The following GSE1 variants were observed in gnomAD, a reference collection of about 807,000 sequenced individuals.
GSE1 encodes Gse1 coiled-coil protein.
GSE1 carries 32 observed loss-of-function variants against 112.6 expected under a neutral mutation model. The ratio of observed to expected loss-of-function variants is 0.28; its 90% CI spans 0.21 to 0.38. The LOEUF is 0.38. Among genes scored for constraint, GSE1 ranks in the 10% least tolerant of loss-of-function variants. GSE1 has a pLI of 1.00. For missense variants in GSE1, 2,348 were observed against 1,699.2 expected (o/e 1.38, Z -6.71); for synonymous variants, 1,115 against 735.6 (o/e 1.52, Z -8.35).
At chr16:85,538,687 A>G (rs978277021) in intron 2 of GSE1, among the ~76,000 whole-genome samples, 2 of 152,088 alleles carry the variant, frequency 1.3e-5, no homozygotes, top group Non-Finnish European at 2.9e-5. Context: ...GAGGGCAGGT[A>G]CCGCTGCTTG....
chr16:85,572,185 ATAC>A (rs1207665598), intron 1 of GSE1, among the ~76,000 whole-genome samples: 2 of 149,198 alleles, frequency 1.3e-5, no homozygotes, highest in African/African-American at 2.5e-5. Flanking sequence ...CACACACCAC[ATAC>A]TACACACACA....
intron 1 of GSE1, among the ~76,000 whole-genome samples, chr16:85,210,374 C>T (rs1458055843): frequency 6.6e-6 from 1 of 152,142 alleles, no homozygotes; most frequent in South Asian, 2.1e-4. Flanking sequence ...GAGGCTGAGG[C>T]GGGCAGATTG....
chr16:85,413,393 G>T (rs1267124619), intron 2 of GSE1, among the ~76,000 whole-genome samples: 1 of 152,116 alleles, frequency 6.6e-6, no homozygotes. Flanking sequence ...GGAGATTGAT[G>T]TCACCATCTT....
At chr16:85,564,800 T>A (rs2045668266) in intron 1 of GSE1, among the ~76,000 whole-genome samples, 1 of 152,182 alleles carries the variant, frequency 6.6e-6, no homozygotes, top group Non-Finnish European at 1.5e-5. Flanking sequence ...GCCTGTCAAA[T>A]CTGTTCCCTG....
chr16:85,347,044 C>T (rs888657507), intron 1 of GSE1, among the ~76,000 whole-genome samples: 1 of 152,098 alleles, frequency 6.6e-6, no homozygotes. Flanking sequence ...AGGGTCAGAA[C>T]TTTGGTAAGG....
intron 2 of GSE1, among the ~76,000 whole-genome samples, chr16:85,463,443 C>T (rs1026502208): frequency 2.6e-5 from 4 of 152,084 alleles, no homozygotes; most frequent in Admixed American, 2.6e-4. Flanking sequence ...CGGCGGGCAC[C>T]GGGCTTGCTG....
At chr16:85,332,291 C>G (rs1021404675) in intron 1 of GSE1, among the ~76,000 whole-genome samples, 3 of 152,222 alleles carry the variant, frequency 2.0e-5, no homozygotes, top group Non-Finnish European at 4.4e-5. Context: ...CTTGGTCTCC[C>G]ACTTACAGAC....
intron 1 of GSE1, among the ~76,000 whole-genome samples, chr16:85,337,697 G>T (rs903414810): frequency 2.6e-5 from 4 of 152,204 alleles, no homozygotes; most frequent in African/African-American, 9.7e-5. Context: ...TTGCCTTCAG[G>T]GGTCCATGGG....
intron 1 of GSE1, among the ~76,000 whole-genome samples, chr16:85,255,107 T>C (rs563627106): frequency 1.1e-4 from 17 of 152,172 alleles, no homozygotes; most frequent in Non-Finnish European, 1.8e-4. Flanking sequence ...GCGGTCGCTG[T>C]TGCCAGCTTC....
intron 1 of GSE1, among the ~76,000 whole-genome samples, chr16:85,601,040 T>C (rs2151481167): frequency 6.6e-6 from 1 of 152,132 alleles, no homozygotes; most frequent in South Asian, 2.1e-4. Context: ...GAGGACTCCC[T>C]GGAGGAGGCA....
chr16:85,648,614 G>A lies in GSE1; in HGVS notation c.289G>A (p.Ala97Thr), dbSNP rs371776973. 50 of 1,604,748 alleles carry A rather than the reference G, an allele frequency of 3.1e-5. No individual in the cohort carries two copies. Among genetic ancestry groups the A allele is most frequent in the Middle Eastern group, 1.7e-4 (1 of 6,034 alleles). ...SSPATNHSSP[A>T]STPKRVPMGP... The stretch of plus-strand genomic sequence containing the variant: ...TCCGGCCACCAACCACAGCTCCCCC[G>A]CCAGCACACCCAAGCGCGTGCCCAT... Residue 97 changes from alanine (A) to threonine (T), a missense_variant, in exon 3 of 16, where the codon GCC (alanine) becomes ACC (threonine). Ala to Thr is a moderately conservative substitution (Grantham distance 58, BLOSUM62 0). Coordinates refer to ENST00000253458, the MANE Select transcript of GSE1 (RefSeq NM_014615.5).
chr16:85,546,836 G>A (rs2044718992), intron 2 of GSE1, among the ~76,000 whole-genome samples: 1 of 152,254 alleles, frequency 6.6e-6, no homozygotes, highest in South Asian at 2.1e-4. Context: ...CCCTGGCCCT[G>A]TGGGGCCTGA....
chr16:85,324,478 C>G (rs922648567), intron 1 of GSE1, among the ~76,000 whole-genome samples: 1 of 150,180 alleles, frequency 6.7e-6, no homozygotes, highest in Non-Finnish European at 1.5e-5. Flanking sequence ...CCACTGCACT[C>G]CAGCCTGGGT....
chr16:85,200,311 G>A (rs1335055090), intron 1 of GSE1, among the ~76,000 whole-genome samples: 3 of 151,074 alleles, frequency 2.0e-5, no homozygotes, highest in Non-Finnish European at 4.4e-5. Context: ...AGGTGGGCTC[G>A]CCAACCTCAC....
chr16:85,362,503 G>A (rs2047102245), intron 2 of GSE1, among the ~76,000 whole-genome samples: 1 of 152,224 alleles, frequency 6.6e-6, no homozygotes, highest in Admixed American at 6.5e-5. Flanking sequence ...CGGCCATGGA[G>A]CCTTCTCAAG....
In GSE1 at chr16:85,507,401, G is replaced by T. The variant is rs1410995921; in HGVS notation, c.2465-126513G>T. On this transcript the variant is annotated intron_variant, in intron 2 of 2. Transcript: ENST00000637419. ...CTCACCCAGGCTCCTGGGCCGGGGT[G>T]GGGAGGGCAGCCCAGAAGGCTGGGA... is the stretch of plus-strand genomic sequence containing the variant. Among the ~76,000 whole-genome samples, 7 of 152,330 alleles carry T rather than the reference G, an allele frequency of 4.6e-5. No individual in the cohort carries two copies. The East Asian group carries it at 5.8e-4, about 13-fold the overall frequency.
At chr16:85,220,682 C>T (rs2075375404) in intron 1 of GSE1, among the ~76,000 whole-genome samples, 1 of 152,194 alleles carries the variant, frequency 6.6e-6, no homozygotes, top group African/African-American at 2.4e-5. Context: ...TGTCTTGCTG[C>T]CTGGAGTCCC....
chr16:85,275,485 G>C (rs940365209), intron 1 of GSE1, among the ~76,000 whole-genome samples: 2 of 152,348 alleles, frequency 1.3e-5, no homozygotes, highest in East Asian at 3.9e-4. Flanking sequence ...ACCTCGGTGC[G>C]AGTCTCAGAC....
At chr16:85,614,451 C>T (rs1255118390) in intron 1 of GSE1, among the ~76,000 whole-genome samples, 1 of 152,180 alleles carries the variant, frequency 6.6e-6, no homozygotes, top group African/African-American at 2.4e-5. Context: ...GGGTGGGGGA[C>T]CAGGGGGGCA....
Sources: gnomAD v4.1 joint callset for allele counts (sites outside exome capture counted in the v4.1 genomes callset) on GRCh38, gnomAD v4.1.1 for gene constraint, MANE v1.5 for transcripts, NCBI Gene and HGNC (gene_info 2026-07-23, HGNC 2026-07-21) for gene names.